SHISA9: variants seen among roughly 807,000 people sequenced by gnomAD.
The protein encoded by SHISA9 is protein shisa-9.
SHISA9 carries 13 observed loss-of-function variants against 38.0 expected under a neutral mutation model. The observed-to-expected ratio is 0.34, with a 90% CI of 0.22 to 0.54. The LOEUF is 0.54. Ranked by LOEUF, SHISA9 falls within the 20% of genes least tolerant of loss-of-function variation. SHISA9 has a pLI of 0.91. For missense variants in SHISA9, 538 were observed against 575.8 expected, an observed-to-expected ratio of 0.93 and a Z score of 0.67; for synonymous variants, 275 against 242.0, an observed-to-expected ratio of 1.14 and a Z score of -1.27.
chr16:13,230,270 AAATG>A lies in SHISA9; in HGVS notation c.896-4753_896-4750del, dbSNP rs1596752772. Among the ~76,000 whole-genome samples the A allele has an allele frequency of 3.9e-5, 6 of 152,380 alleles. No homozygotes were observed. In the East Asian group the frequency reaches 1.2e-3, roughly 29 times the overall value. On this transcript the variant is annotated intron_variant, in intron 4 of 4. Transcript: ENST00000558583. ...GTGGGTACCTGTTTGATGAATGACT[AAATG>A]AATGAACAAACAGCTCAAAGACTGC...
At chr16:13,452,156 G>T in the SHISA9 span, among the ~76,000 whole-genome samples, 3,673 of 152,264 alleles carry the variant, frequency 0.024, 154 homozygotes, top group East Asian at 0.21. Context: ...CAATGAATGG[G>T]CTGGCTTCCC....
chr16:13,444,982 C>CTATATATATA, the SHISA9 span, among the ~76,000 whole-genome samples: 83 of 106,268 alleles, frequency 7.8e-4, 1 homozygote, highest in Non-Finnish European at 8.8e-4. Context: ...CCATGCCTAG[C>CTATATATATA]TATATATATA....
intron 2 of SHISA9, among the ~76,000 whole-genome samples, chr16:13,068,618 A>G (rs1408991072): frequency 6.6e-6 from 1 of 152,226 alleles, no homozygotes; most frequent in Non-Finnish European, 1.5e-5. Flanking sequence ...ATTCTGAGCC[A>G]TGGCTTTCAC....
At chr16:13,046,517 G>A (rs186088657) in intron 2 of SHISA9, among the ~76,000 whole-genome samples, 20 of 152,258 alleles carry the variant, frequency 1.3e-4, no homozygotes, top group East Asian at 7.7e-4. Context: ...GGTGTGAATT[G>A]CCTATAGCCA....
chr16:13,052,926 A>G (rs140771793), intron 2 of SHISA9, among the ~76,000 whole-genome samples: 1 of 151,752 alleles, frequency 6.6e-6, no homozygotes, highest in Non-Finnish European at 1.5e-5. Context: ...ATTACCAACA[A>G]AGAAATCCTT....
At position 13,235,646 on chromosome 16, in the gene SHISA9, G is replaced by C; in HGVS notation, c.*237G>C. The stretch of plus-strand genomic sequence containing the variant: ...GTGGACATTCAGCAATACAGCAAAG[G>C]GGAAAATGAGGCACACTCTTTCCAC... On this transcript the variant is annotated 3_prime_UTR_variant, in exon 5 of 5. Coordinates refer to ENST00000558583, the MANE Select transcript of SHISA9 (RefSeq NM_001145204.3). The C allele has an allele frequency of 2.0e-6, 1 of 503,234 alleles. No homozygotes were observed. The highest frequency in any genetic ancestry group is 1.9e-5 in the African/African-American group (1 of 51,446). The allele number at this position is 503,234 out of a possible 1,614,324, so 31.2% of individuals were successfully genotyped here.
chr16:13,491,251 G>A, the SHISA9 span, among the ~76,000 whole-genome samples: 6 of 152,240 alleles, frequency 3.9e-5, no homozygotes, highest in Admixed American at 2.6e-4. Context: ...TGATAATGAC[G>A]ATGACGATGA....
intron 2 of SHISA9, among the ~76,000 whole-genome samples, chr16:13,064,309 C>T (rs1392908974): frequency 6.6e-6 from 1 of 152,130 alleles, no homozygotes; most frequent in African/African-American, 2.4e-5. Context: ...CTGGAGATAC[C>T]AGCAGCAAAT....
intron 2 of SHISA9, among the ~76,000 whole-genome samples, chr16:12,965,577 T>G (rs527574631): frequency 6.6e-6 from 1 of 152,216 alleles, no homozygotes; most frequent in Non-Finnish European, 1.5e-5. Flanking sequence ...AAAAAATTAA[T>G]GGGTCTGGCT....
At chr16:13,442,506 C>T in the SHISA9 span, among the ~76,000 whole-genome samples, 1 of 152,134 alleles carries the variant, frequency 6.6e-6, no homozygotes, top group Non-Finnish European at 1.5e-5. Flanking sequence ...CAGGGTTTCA[C>T]CTTGTTGGCC....
chr16:13,520,012 G>A, the SHISA9 span, among the ~76,000 whole-genome samples: 1 of 152,104 alleles, frequency 6.6e-6, no homozygotes, highest in Non-Finnish European at 1.5e-5. Context: ...CTCAGTCCAT[G>A]GCACCTATCC....
the SHISA9 span, among the ~76,000 whole-genome samples, chr16:13,395,401 T>C: frequency 6.6e-6 from 1 of 152,224 alleles, no homozygotes; most frequent in Non-Finnish European, 1.5e-5. Flanking sequence ...GGCAAGAGTC[T>C]ATGCACAGCA....
the SHISA9 span, among the ~76,000 whole-genome samples, chr16:13,530,289 A>G: frequency 6.6e-6 from 1 of 152,216 alleles, no homozygotes; most frequent in African/African-American, 2.4e-5. Context: ...TGACAGAGTG[A>G]GACTCCGTCT....
At chr16:13,147,192 G>A (rs1400364130) in intron 2 of SHISA9, among the ~76,000 whole-genome samples, 1 of 152,164 alleles carries the variant, frequency 6.6e-6, no homozygotes, top group African/African-American at 2.4e-5. Flanking sequence ...TGGTGACACG[G>A]AAGAATGGTA....
the SHISA9 span, among the ~76,000 whole-genome samples, chr16:13,386,516 A>G: frequency 6.6e-6 from 1 of 152,184 alleles, no homozygotes; most frequent in Non-Finnish European, 1.5e-5. Context: ...GGATCCAATA[A>G]TAGTACTTAG....
rs145375467 is a variant in SHISA9 at position 13,092,756 on chromosome 16, C to A, written c.692-110638C>A. On this transcript the variant is annotated intron_variant, in intron 2 of 4. Coordinates refer to ENST00000558583, the MANE Select transcript of SHISA9 (RefSeq NM_001145204.3). Reference sequence around the variant, plus strand: ...CTTCCCTTGGCTAGGAGAGGGAAATCCCCCAACCCCTTGTGCTTCTTGGGT... The same window carrying A: ...CTTCCCTTGGCTAGGAGAGGGAAATACCCCAACCCCTTGTGCTTCTTGGGT... Among the ~76,000 whole-genome samples the A allele has an allele frequency of 1.7e-3, 266 of 152,296 alleles. 1 individual carries two copies. Among genetic ancestry groups the A allele is most frequent in the Middle Eastern group, 3.4e-3 (1 of 294 alleles).
chr16:13,019,845 TC>T lies in SHISA9; in HGVS notation c.691+103033del, dbSNP rs1411367490. Among the ~76,000 whole-genome samples, 29 of 18,476 alleles carry T rather than the reference TC, an allele frequency of 1.6e-3. 1 individual carries two copies. The highest frequency in any genetic ancestry group is 4.3e-3 in the African/African-American group (17 of 3,958). The allele number at this position is 18,476 out of a possible 152,430, so 12.1% of individuals were successfully genotyped here. On this transcript the variant is annotated intron_variant, in intron 2 of 4. Transcript: ENST00000558583. ...CTTTCTTTCTTTCTTTTTCCTTCCT[TC>T]CCTCCCTCCCTCCCTCCCTCCCTCC...
At chr16:13,352,823 G>A in the SHISA9 span, among the ~76,000 whole-genome samples, 1 of 151,372 alleles carries the variant, frequency 6.6e-6, no homozygotes, top group Non-Finnish European at 1.5e-5. Flanking sequence ...GGAGCTTTTT[G>A]AGCCAGGATG....
In SHISA9 at chr16:12,951,218, CT is replaced by C. The variant is rs1187277136; in HGVS notation, c.691+34404del. 1.6e-4 allele frequency among the ~76,000 whole-genome samples: 5 copies of C among 30,966 alleles called. No homozygotes were observed. In the Admixed American group the frequency reaches 2.6e-3, roughly 16 times the overall value. 20.3% of individuals were successfully genotyped at this position (30,966 alleles called of 152,430 possible). ...CCTGGGTGACAGAGCAAGACTCCTT[CT>C]CCAAAAAAAAAAAAAAAAAAAAAAA... On this transcript the variant is annotated intron_variant, in intron 2 of 4. Transcript: ENST00000558583.
Sources: gnomAD v4.1 joint callset for allele counts (sites outside exome capture counted in the v4.1 genomes callset) on GRCh38, gnomAD v4.1.1 for gene constraint, MANE v1.5 for transcripts, NCBI Gene and HGNC (gene_info 2026-07-23, HGNC 2026-07-21) for gene names.